The following PCDH15 variants were observed in gnomAD, a reference collection of about 807,000 sequenced individuals.
PCDH15 encodes protocadherin-15.
Under a neutral mutation model 178.5 loss-of-function variants are expected in PCDH15, and 129 were observed. That is an observed-to-expected ratio of 0.72 (90% CI 0.63 to 0.84). The LOEUF (loss-of-function observed/expected upper bound fraction) is 0.84, where lower values mean the gene tolerates loss of function less well. PCDH15 is among the 40% of genes least tolerant of loss of function. The pLI is 0.00. For synonymous variants in PCDH15, 800 were observed against 732.0 expected (o/e 1.09, Z -1.50); for missense variants, 2,230 against 2,099.9 (o/e 1.06, Z -1.21).
intron 10 of PCDH15, among the ~76,000 whole-genome samples, chr10:54,213,557 A>G (rs2051674630): frequency 6.6e-6 from 1 of 152,176 alleles, no homozygotes; most frequent in South Asian, 2.1e-4. Context: ...ACAAAATTAA[A>G]ACAACATATA....
At position 54,460,653 on chromosome 10, in the gene PCDH15, T is replaced by C. The variant is rs558669600; in HGVS notation, c.157+67159A>G. ...ACACAAAATATCATCATGCATTTAA[T>C]ATAGGGAGTGAGGGAATGAAAGGCA... On this transcript the variant is annotated intron_variant, in intron 3 of 37. Transcript: ENST00000644397. Among the ~76,000 whole-genome samples, 4 of 152,178 alleles carry C rather than the reference T, an allele frequency of 2.6e-5. No homozygotes were observed. The South Asian group carries it at 6.2e-4, about 24-fold the overall frequency.
intron 25 of PCDH15, among the ~76,000 whole-genome samples, chr10:53,926,223 A>G (rs1166999578): frequency 1.3e-5 from 2 of 152,136 alleles, no homozygotes; most frequent in Non-Finnish European, 2.9e-5. Flanking sequence ...TCTCTCTCCA[A>G]GCTATTCTAC....
intron 15 of PCDH15, among the ~76,000 whole-genome samples, chr10:54,118,582 C>T (rs1376321999): frequency 6.6e-6 from 1 of 151,992 alleles, no homozygotes; most frequent in Non-Finnish European, 1.5e-5. Flanking sequence ...ATGGCATGAA[C>T]CCAGGAGGCA....
intron 1 of PCDH15, among the ~76,000 whole-genome samples, chr10:55,230,080 T>C (rs1841167515): frequency 6.6e-6 from 1 of 152,060 alleles, no homozygotes; most frequent in Non-Finnish European, 1.5e-5. Flanking sequence ...ATAGTGGAGC[T>C]AAGTATATGT....
intron 3 of PCDH15, among the ~76,000 whole-genome samples, chr10:54,413,391 T>G (rs11004283): frequency 0.47 from 71,643 of 151,950 alleles, 17,625 homozygotes; most frequent in Non-Finnish European, 0.53. Flanking sequence ...CTGGGGTCAC[T>G]TCCTGCATCT....
chr10:55,563,729 C>T (rs1282642804), intron 2 of PCDH15, among the ~76,000 whole-genome samples: 2 of 148,928 alleles, frequency 1.3e-5, no homozygotes, highest in African/African-American at 4.9e-5. Flanking sequence ...TAAAGGAAAG[C>T]ATACAGAAAG....
chr10:54,525,155 T>A (rs1010805106), intron 3 of PCDH15, among the ~76,000 whole-genome samples: 2 of 152,212 alleles, frequency 1.3e-5, no homozygotes, highest in African/African-American at 4.8e-5. Context: ...AGCTATAATT[T>A]AAAAAATGAG....
At chr10:54,667,922 GT>G (rs1174743938) in intron 1 of PCDH15, among the ~76,000 whole-genome samples, 2 of 152,020 alleles carry the variant, frequency 1.3e-5, no homozygotes, top group Non-Finnish European at 1.5e-5. Flanking sequence ...GGGGAAAAGT[GT>G]TTTTTTCCTA....
intron 2 of PCDH15, among the ~76,000 whole-genome samples, chr10:55,058,257 C>T (rs753469511): frequency 6.6e-6 from 1 of 152,058 alleles, no homozygotes; most frequent in Non-Finnish European, 1.5e-5. Context: ...GTTTCCCTGG[C>T]TAGAGTGCAG....
At chr10:54,230,892 T>C (rs1389194081) in intron 9 of PCDH15, among the ~76,000 whole-genome samples, 2 of 152,192 alleles carry the variant, frequency 1.3e-5, no homozygotes, top group Admixed American at 1.3e-4. Flanking sequence ...TACTTAATAC[T>C]ACAAGCTACT....
At chr10:55,462,644 G>T (rs1402324331) in intron 2 of PCDH15, among the ~76,000 whole-genome samples, 1 of 152,064 alleles carries the variant, frequency 6.6e-6, no homozygotes, top group Non-Finnish European at 1.5e-5. Flanking sequence ...TATATATATT[G>T]TGCCTATTTA....
At chr10:55,290,594 A>G (rs560153632) in intron 1 of PCDH15, among the ~76,000 whole-genome samples, 3 of 152,280 alleles carry the variant, frequency 2.0e-5, no homozygotes, top group East Asian at 1.9e-4. Context: ...TTTAATATAC[A>G]TAATACCTAA....
chr10:55,423,553 C>A (rs1838676612), intron 2 of PCDH15, among the ~76,000 whole-genome samples: 1 of 151,886 alleles, frequency 6.6e-6, no homozygotes. Flanking sequence ...CTAATTAGCT[C>A]ACTATAAGGT....
intron 2 of PCDH15, among the ~76,000 whole-genome samples, chr10:54,926,744 G>A (rs1837638175): frequency 6.6e-6 from 1 of 152,034 alleles, no homozygotes; most frequent in African/African-American, 2.4e-5. Context: ...GTGCACAGAT[G>A]TGTTAATAAT....
intron 15 of PCDH15, among the ~76,000 whole-genome samples, chr10:54,102,000 T>C (rs1383917813): frequency 6.6e-6 from 1 of 151,898 alleles, no homozygotes. Context: ...ATCATAATAG[T>C]AATATAAATA....
intron 23 of PCDH15, among the ~76,000 whole-genome samples, chr10:53,951,225 C>T (rs1397522204): frequency 2.0e-5 from 3 of 152,092 alleles, no homozygotes; most frequent in African/African-American, 2.4e-5. Flanking sequence ...TATGAAGAAA[C>T]TACCTAATCA....
intron 2 of PCDH15, among the ~76,000 whole-genome samples, chr10:55,553,845 C>T (rs545584259): frequency 4.0e-5 from 6 of 151,798 alleles, no homozygotes; most frequent in East Asian, 1.9e-4. Flanking sequence ...GTGATAATGA[C>T]GATGCTGATA....
intron 1 of PCDH15, among the ~76,000 whole-genome samples, chr10:54,672,734 T>TTTAA (rs3071737): frequency 0.87 from 132,306 of 151,714 alleles, 58,361 homozygotes; most frequent in Non-Finnish European, 0.93. Flanking sequence ...ATAATGAGAT[T>TTTAA]TTATTTTATA....
intron 2 of PCDH15, among the ~76,000 whole-genome samples, chr10:55,110,480 G>A (rs1837474014): frequency 1.3e-5 from 2 of 152,018 alleles, no homozygotes; most frequent in South Asian, 4.1e-4. Flanking sequence ...TGATTCTAAG[G>A]TCTTCAAACT....
Sources: gnomAD v4.1 joint callset for allele counts (sites outside exome capture counted in the v4.1 genomes callset) on GRCh38, gnomAD v4.1.1 for gene constraint, MANE v1.5 for transcripts, NCBI Gene and HGNC (gene_info 2026-07-23, HGNC 2026-07-21) for gene names.